Variants in ADAMTSL1 observed in about 807,000 individuals in gnomAD.
The protein encoded by ADAMTSL1 is ADAMTS-like protein 1.
In ADAMTSL1, 126 loss-of-function variants were observed where a neutral mutation model predicts 201.8. The observed-to-expected ratio is 0.62, with a 90% CI of 0.54 to 0.72. The LOEUF (loss-of-function observed/expected upper bound fraction) is 0.72. Among genes scored for constraint, ADAMTSL1 ranks in the 30% least tolerant of loss-of-function variants. ADAMTSL1 has a pLI of 0.00. For missense variants in ADAMTSL1, 2,679 were observed against 2,277.8 expected (o/e 1.18, Z -3.59); for synonymous variants, 1,121 against 903.4 (o/e 1.24, Z -4.32).
chr9:18,574,520 A>G (rs1047845963), intron 4 of ADAMTSL1: 8 of 582,478 alleles, frequency 1.4e-5, no homozygotes, highest in Non-Finnish European at 2.4e-5. Context: ...AAATTTTTGA[A>G]TAGTGTTTAT....
chr9:18,192,236 T>C (rs1828999636), intron 2 of ADAMTSL1, among the ~76,000 whole-genome samples: 1 of 152,286 alleles, frequency 6.6e-6, no homozygotes, highest in African/African-American at 2.4e-5. Context: ...CTATGAAAGA[T>C]TTATTTCCTA....
chr9:18,067,454 A>G (rs1351363337), intron 1 of ADAMTSL1, among the ~76,000 whole-genome samples: 4 of 151,934 alleles, frequency 2.6e-5, no homozygotes, highest in Non-Finnish European at 4.4e-5. Context: ...GAAATATGAA[A>G]GCATAAAATG....
At chr9:18,614,148 A>AG (rs578033914) in intron 4 of ADAMTSL1, among the ~76,000 whole-genome samples, 207 of 152,290 alleles carry the variant, frequency 1.4e-3, no homozygotes, top group African/African-American at 4.8e-3. Flanking sequence ...TCGTTCACAT[A>AG]GATGCTGTAG....
chr9:18,211,200 C>T (rs1225235181), intron 2 of ADAMTSL1, among the ~76,000 whole-genome samples: 1 of 152,132 alleles, frequency 6.6e-6, no homozygotes, highest in African/African-American at 2.4e-5. Flanking sequence ...CTTGCCAATT[C>T]CACTTTAAGA....
At chr9:18,153,968 C>T (rs1223533492) in intron 1 of ADAMTSL1, among the ~76,000 whole-genome samples, 2 of 151,980 alleles carry the variant, frequency 1.3e-5, no homozygotes, top group Non-Finnish European at 2.9e-5. Flanking sequence ...CAGGGAAATT[C>T]TGGCAGCAGG....
At chr9:18,085,417 T>C (rs1026531337) in intron 1 of ADAMTSL1, among the ~76,000 whole-genome samples, 4 of 151,976 alleles carry the variant, frequency 2.6e-5, no homozygotes, top group African/African-American at 9.7e-5. Context: ...GGACAGTGCC[T>C]GATACATACT....
At chr9:18,161,468 A>G (rs1827385833) in intron 1 of ADAMTSL1, among the ~76,000 whole-genome samples, 1 of 152,084 alleles carries the variant, frequency 6.6e-6, no homozygotes, top group Non-Finnish European at 1.5e-5. Flanking sequence ...TTTTGAAGAA[A>G]TGTTTCATAA....
At position 18,440,759 on chromosome 9, in the gene ADAMTSL1, C is replaced by G. The variant is rs188865412; in HGVS notation, c.208-64070C>G. ...TACTTTTTCCAGTAATTATTACTGA[C>G]ATATGAAAGTGGAAGAGGGGAAAAT... On this transcript the variant is annotated intron_variant, in intron 2 of 29. Transcript: ENST00000680146. 1.4e-3 allele frequency among the ~76,000 whole-genome samples: 210 copies of G among 152,006 alleles called. 2 individuals are homozygous for G. Among genetic ancestry groups the G allele is most frequent in the African/African-American group, 4.7e-3 (197 of 41,480 alleles).
At chr9:18,359,797 C>T (rs1377797882) in intron 2 of ADAMTSL1, among the ~76,000 whole-genome samples, 1 of 148,158 alleles carries the variant, frequency 6.7e-6, no homozygotes, top group Non-Finnish European at 1.5e-5. Flanking sequence ...AGTCCCCATT[C>T]AGCAGGGTTA....
intron 1 of ADAMTSL1, 57 bp from the exon 2 acceptor site, chr9:18,504,772 A>T: frequency 6.2e-7 from 1 of 1,613,610 alleles, no homozygotes. Context: ...ATTTTAGAAC[A>T]CATGTTTCAG....
chr9:18,463,144 A>G (rs1820871949), intron 2 of ADAMTSL1, among the ~76,000 whole-genome samples: 1 of 152,066 alleles, frequency 6.6e-6, no homozygotes, highest in African/African-American at 2.4e-5. Context: ...CCTTTGAGTG[A>G]GGATGGCATT....
intron 1 of ADAMTSL1, among the ~76,000 whole-genome samples, chr9:18,016,424 A>G (rs1304625135): frequency 2.6e-5 from 4 of 151,960 alleles, no homozygotes; most frequent in South Asian, 4.2e-4. Flanking sequence ...GATGGTCTTC[A>G]TGGTGTGGTA....
chr9:18,085,574 T>C (rs2131793088), intron 1 of ADAMTSL1, among the ~76,000 whole-genome samples: 1 of 150,668 alleles, frequency 6.6e-6, no homozygotes. Context: ...TATACATATA[T>C]ACACACTGTG....
chr9:18,690,249 A>G (rs1831132455), intron 13 of ADAMTSL1, among the ~76,000 whole-genome samples: 1 of 152,182 alleles, frequency 6.6e-6, no homozygotes, highest in Admixed American at 6.5e-5. Flanking sequence ...ATAATATTTA[A>G]GCATATGTTT....
At chr9:18,866,168 T>C (rs968289225) in intron 23 of ADAMTSL1, among the ~76,000 whole-genome samples, 9 of 135,750 alleles carry the variant, frequency 6.6e-5, no homozygotes, top group Middle Eastern at 4.2e-3. Context: ...ATGAGAAATG[T>C]CCGTGACAGA....
At chr9:18,806,356 T>A (rs7856843) in intron 20 of ADAMTSL1, among the ~76,000 whole-genome samples, 1 of 152,190 alleles carries the variant, frequency 6.6e-6, no homozygotes, top group Non-Finnish European at 1.5e-5. Context: ...TGCTCATAGC[T>A]AACTGCAAAA....
intron 1 of ADAMTSL1, among the ~76,000 whole-genome samples, chr9:18,146,252 A>C (rs1826634747): frequency 1.3e-5 from 2 of 152,166 alleles, no homozygotes; most frequent in African/African-American, 4.8e-5. Flanking sequence ...TTAGGTATTT[A>C]CTCAACCAAT....
chr9:18,096,230 A>C (rs1322885600), intron 1 of ADAMTSL1, among the ~76,000 whole-genome samples: 1 of 152,228 alleles, frequency 6.6e-6, no homozygotes, highest in African/African-American at 2.4e-5. Context: ...GAATTGTTAA[A>C]AATGTTGCAT....
chr9:18,115,784 C>T (rs948219885), intron 1 of ADAMTSL1, among the ~76,000 whole-genome samples: 5 of 152,112 alleles, frequency 3.3e-5, no homozygotes, highest in East Asian at 1.9e-4. Context: ...GATGCTTGTT[C>T]GTGGCCACAT....
Sources: allele counts gnomAD v4.1 joint callset (sites outside exome capture counted in the v4.1 genomes callset), GRCh38; gene constraint gnomAD v4.1.1; transcripts MANE v1.5; gene names NCBI Gene and HGNC (gene_info 2026-07-23, HGNC 2026-07-21).